The following GPR158 variants were observed in gnomAD, a reference collection of about 807,000 sequenced individuals.
The protein encoded by GPR158 is G protein-coupled receptor 158.
Under a neutral mutation model 78.2 loss-of-function variants are expected in GPR158, and 30 were observed. The ratio of observed to expected loss-of-function variants is 0.38; its 90% confidence interval spans 0.29 to 0.52. The LOEUF (loss-of-function observed/expected upper bound fraction) is 0.52, where lower values mean the gene tolerates loss of function less well. Ranked by LOEUF, GPR158 falls within the 20% of genes least tolerant of loss-of-function variation. GPR158 has a pLI of 0.83. For missense variants in GPR158, 1,463 were observed against 1,523.5 expected, an observed-to-expected ratio of 0.96 and a Z score of 0.66; for synonymous variants, 581 against 591.1, an observed-to-expected ratio of 0.98 and a Z score of 0.25.
chr10:25,498,608 G>A (rs1439542556), intron 5 of GPR158, among the ~76,000 whole-genome samples: 1 of 152,156 alleles, frequency 6.6e-6, no homozygotes, highest in East Asian at 1.9e-4. Context: ...CAATATCGGA[G>A]CTAGTTTTGT....
chr10:25,176,217 C>G lies in GPR158; in HGVS notation c.797C>G (p.Ser266Cys), dbSNP rs1852530342. Residue 266 changes from serine (S) to cysteine (C), a missense_variant, in exon 1 of 11, where the codon TCT becomes TGT. Coordinates refer to ENST00000376351, the MANE Select transcript of GPR158 (RefSeq NM_020752.3). This position sits in a 1 kb window ranked among gnomAD's most constrained non-coding sequence, Gnocchi z 6.3. The stretch of plus-strand genomic sequence containing the variant: ...GGGGACAAGAGCCACTTCAAGTGGT[C>G]TCCGCCTTATCTGGAGTGCGAGAAC... ...LGGDKSHFKW[S>C]PPYLECENGS... 1 of 1,596,782 alleles carries G rather than the reference C, an allele frequency of 6.3e-7. No homozygotes were observed. The highest frequency in any genetic ancestry group is 1.3e-5 in the African/African-American group (1 of 74,896).
At chr10:25,529,203 C>T (rs773470392) in intron 5 of GPR158, among the ~76,000 whole-genome samples, 10 of 152,042 alleles carry the variant, frequency 6.6e-5, no homozygotes, top group Non-Finnish European at 1.2e-4. Context: ...CCTGCTAACA[C>T]GGTGAAACCC....
chr10:25,284,738 T>C (rs946289844), intron 2 of GPR158, among the ~76,000 whole-genome samples: 2 of 151,980 alleles, frequency 1.3e-5, no homozygotes, highest in Non-Finnish European at 2.9e-5. Context: ...TATTATTCCA[T>C]TTTACCTCCA....
At chr10:25,196,097 CAG>C (rs1373976657) in intron 1 of GPR158, among the ~76,000 whole-genome samples, 1 of 151,640 alleles carries the variant, frequency 6.6e-6, no homozygotes, top group Non-Finnish European at 1.5e-5. Flanking sequence ...CTTTTTCACT[CAG>C]AAACTTTCTT....
intron 6 of GPR158, among the ~76,000 whole-genome samples, chr10:25,558,649 CCCTCA>C (rs1836819666): frequency 6.6e-6 from 1 of 152,136 alleles, no homozygotes; most frequent in African/African-American, 2.4e-5. Flanking sequence ...ACTCTGGTGC[CCCTCA>C]CCCAGCATTT....
intron 1 of GPR158, among the ~76,000 whole-genome samples, chr10:25,213,160 T>A (rs1379145957): frequency 1.3e-5 from 2 of 152,212 alleles, no homozygotes; most frequent in African/African-American, 2.4e-5. Context: ...TTTTTCAGTT[T>A]TTTTGGTTTT....
intron 5 of GPR158, among the ~76,000 whole-genome samples, chr10:25,492,053 A>G (rs942295379): frequency 6.6e-6 from 1 of 152,058 alleles, no homozygotes; most frequent in Non-Finnish European, 1.5e-5. Flanking sequence ...TTTCTGGTGG[A>G]GGTTTCAGGC....
chr10:25,292,090 A>G (rs1277386496), intron 2 of GPR158, among the ~76,000 whole-genome samples: 7 of 152,150 alleles, frequency 4.6e-5, no homozygotes, highest in Admixed American at 3.9e-4. Context: ...ACACATATAC[A>G]TACATGTTTA....
At chr10:25,584,301 G>A (rs973673863) in intron 7 of GPR158, among the ~76,000 whole-genome samples, 1 of 152,180 alleles carries the variant, frequency 6.6e-6, no homozygotes, top group Non-Finnish European at 1.5e-5. Context: ...TGCAGTGCTA[G>A]TCTGAAGTTA....
chr10:25,201,420 G>A (rs768219144), intron 1 of GPR158, among the ~76,000 whole-genome samples: 1 of 151,982 alleles, frequency 6.6e-6, no homozygotes, highest in Non-Finnish European at 1.5e-5. Context: ...GAGTTTTCTG[G>A]GTATAATATC....
At chr10:25,316,106 C>G (rs182941690) in intron 2 of GPR158, among the ~76,000 whole-genome samples, 4 of 152,258 alleles carry the variant, frequency 2.6e-5, no homozygotes, top group East Asian at 1.9e-4. Flanking sequence ...TGATGTCAGT[C>G]TAATTCTCTT....
At position 25,594,321 on chromosome 10, in the gene GPR158, A is replaced by C. The variant is rs758040623; in HGVS notation, c.1922A>C (p.Asp641Ala). Reference protein sequence around the residue: ...RFVLASRLQSDWMLMLYFAHT... With the variant: ...RFVLASRLQSAWMLMLYFAHT... ...GTTCTTGCCTCAAGACTTCAGTCTGATTGGATGTTGATGCTGTATTTTGCA... is the reference window on the plus strand; with the variant it reads ...GTTCTTGCCTCAAGACTTCAGTCTGCTTGGATGTTGATGCTGTATTTTGCA... Residue 641 changes from aspartate (D) to alanine (A), a missense_variant, in exon 9 of 11, where the codon GAT becomes GCT. Physicochemically the swap from Asp to Ala is moderately radical, Grantham distance 126. Coordinates refer to ENST00000376351, the MANE Select transcript of GPR158 (RefSeq NM_020752.3). The C allele has an allele frequency of 5.7e-6, 9 of 1,587,200 alleles. No individual in the cohort carries two copies. In the South Asian group the frequency reaches 9.9e-5, roughly 18 times the overall value.
chr10:25,502,169 T>C (rs1403038206), intron 5 of GPR158, among the ~76,000 whole-genome samples: 3 of 152,136 alleles, frequency 2.0e-5, no homozygotes, highest in South Asian at 2.1e-4. Context: ...TCTGAGACTA[T>C]TTTAAGCTTC....
At position 25,267,178 on chromosome 10, in the gene GPR158, C is replaced by G. The variant is rs191761475; in HGVS notation, c.1008+46021C>G. ...CAATCAGGGTGTATTAGTCCATTCT[C>G]ATGCTGCTAATAAAGACATACCCAA... On this transcript the variant is annotated intron_variant, in intron 2 of 10. Coordinates refer to ENST00000376351, the MANE Select transcript of GPR158 (RefSeq NM_020752.3). Among the ~76,000 whole-genome samples, 782 of 152,210 alleles carry G rather than the reference C, an allele frequency of 5.1e-3. 28 individuals are homozygous for G. Among genetic ancestry groups the G allele is most frequent in the East Asian group, 2.1e-3 (11 of 5,180 alleles).
Position 25,572,740 on chromosome 10 carries a change from G to T in GPR158, c.1606G>T (p.Val536Leu), listed in dbSNP as rs756309777. 6.2e-7 allele frequency: 1 copy of T among 1,613,746 alleles called. No homozygotes were observed. The highest frequency in any genetic ancestry group is 8.5e-7 in the Non-Finnish European group (1 of 1,179,690). ...GAGGATGCTGGCAGTAATACTCTTG[G>T]TAGTGTTTTGGTTTCTCATTGGCTG... ...VMRMLAVILL[V>L]VFWFLIGWTS... Residue 536 changes from valine to leucine, a missense_variant, in exon 7 of 11, where the codon GTA becomes TTA. Coordinates refer to ENST00000376351, the MANE Select transcript of GPR158 (RefSeq NM_020752.3).
At chr10:25,474,180 G>A (rs1018499774) in intron 5 of GPR158, among the ~76,000 whole-genome samples, 46 of 152,022 alleles carry the variant, frequency 3.0e-4, no homozygotes, top group African/African-American at 1.1e-3. Context: ...TAGTAAATAA[G>A]TTCTTCCCTT....
In GPR158 at chr10:25,379,408, A is replaced by G. The variant is rs377690571; in HGVS notation, c.1009-16503A>G. Among the ~76,000 whole-genome samples, 62 of 152,246 alleles carry G rather than the reference A, an allele frequency of 4.1e-4. 1 individual carries two copies. The highest frequency in any genetic ancestry group is 1.4e-3 in the African/African-American group (58 of 41,546). On this transcript the variant is annotated intron_variant, in intron 2 of 10. Transcript: ENST00000376351. ...AAAGCTTGAGCTGTCCCAGTGATGG[A>G]TAGTAGTCCATGAAAGGCTCAAACT...
intron 5 of GPR158, among the ~76,000 whole-genome samples, chr10:25,524,209 C>T (rs1296037512): frequency 1.3e-5 from 2 of 152,196 alleles, no homozygotes; most frequent in African/African-American, 4.8e-5. Flanking sequence ...AATAGGTTAG[C>T]AGTACTCCCC....
chr10:25,567,874 C>G (rs947352412), intron 6 of GPR158, among the ~76,000 whole-genome samples: 4 of 151,948 alleles, frequency 2.6e-5, no homozygotes, highest in African/African-American at 9.7e-5. Context: ...AGGTGACTAG[C>G]TAGGAAGCTA....
Sources: allele counts gnomAD v4.1 joint callset (sites outside exome capture counted in the v4.1 genomes callset), GRCh38; gene constraint gnomAD v4.1.1; non-coding constraint Gnocchi (gnomAD v3.1); transcripts MANE v1.5; gene names NCBI Gene and HGNC (gene_info 2026-07-23, HGNC 2026-07-21).